CD276: variants seen among roughly 807,000 people sequenced by gnomAD.
The protein encoded by CD276 is CD276 antigen.
Under a neutral mutation model 50.0 loss-of-function variants are expected in CD276, and 34 were observed. That is an observed-to-expected ratio of 0.68 (90% confidence interval 0.52 to 0.91). The LOEUF (loss-of-function observed/expected upper bound fraction) is 0.91, where lower values mean the gene tolerates loss of function less well. Among genes scored for constraint, CD276 ranks in the 40% least tolerant of loss-of-function variants. The pLI, the probability that CD276 is intolerant of heterozygous loss-of-function variation, is 0.00. For synonymous variants in CD276, 275 were observed against 313.0 expected (o/e 0.88, Z 1.28); for missense variants, 634 against 717.5 (o/e 0.88, Z 1.33).
intron 9 of CD276, 36 bp downstream of exon 9, chr15:73,711,206 T>C (rs1196637144): frequency 5.6e-6 from 9 of 1,607,702 alleles, no homozygotes; most frequent in Non-Finnish European, 7.7e-6. Context: ...TGTCTGTGTA[T>C]GCACACATCT....
rs752174966 is a variant in CD276, at chr15:73,699,572, C to T, written c.-54-14C>T. 11 of 1,585,438 alleles carry T rather than the reference C, an allele frequency of 6.9e-6. 1 individual carries two copies. The African/African-American group carries it at 9.4e-5, about 14-fold the overall frequency. On this transcript the variant is annotated splice_polypyrimidine_tract_variant and intron_variant, in intron 1 of 9. Transcript: ENST00000318443. ...ACCTTTGGAGACAAAGGCCTTGCGT[C>T]CTCTTTCTCCCAGGCAGGGGCAGCC... is the stretch of plus-strand genomic sequence containing the variant.
In CD276 at chr15:73,702,815, C is replaced by T. The variant is rs780689193; in HGVS notation, c.462C>T (p.Asp154=). ...KPSMTLEPNK[D]LRPGDTVTIT... ...GCATGACCCTGGAGCCCAACAAGGA[C>T]CTGCGGCCAGGGGACACGGTGACCA... is the stretch of plus-strand genomic sequence containing the variant. The change falls in exon 4 of 10, where the codon GAC becomes GAT. Residue 154 remains aspartate (D), a synonymous_variant. Transcript: ENST00000318443. The T allele has an allele frequency of 1.2e-4, 191 of 1,613,916 alleles. No homozygotes were observed. Among genetic ancestry groups the T allele is most frequent in the Non-Finnish European group, 1.6e-4 (189 of 1,180,006 alleles).
At chr15:73,694,975 G>C (rs539542152) in intron 1 of CD276, among the ~76,000 whole-genome samples, 1 of 152,126 alleles carries the variant, frequency 6.6e-6, no homozygotes, top group African/African-American at 2.4e-5. Context: ...AACTATGATG[G>C]TACCACTCCA....
chr15:73,702,260 CT>C lies in CD276; in HGVS notation c.86del (p.Leu29ArgfsTer41), dbSNP rs1365553366. ...TCCACTCCCCCTACCCCCAGGAGCC[CT>C]GGAGGTCCAGGTCCCTGAAGACCCA... Reference protein sequence around the residue: ...GALWFCLTGALEVQVPEDPVV... With the variant: ...GALWFCLTGAXEVQVPEDPVV... On this transcript the variant is annotated frameshift_variant, in exon 3 of 10. Transcript: ENST00000318443. LOFTEE classifies it high-confidence loss of function. 6.2e-7 allele frequency: 1 copy of C among 1,607,790 alleles called. No individual in the cohort carries two copies. Among genetic ancestry groups the C allele is most frequent in the South Asian group, 1.1e-5 (1 of 90,426 alleles).
chr15:73,690,765 C>T (rs771883161), intron 1 of CD276: 4 of 455,578 alleles, frequency 8.8e-6, no homozygotes, highest in South Asian at 6.2e-5. Context: ...GTATTTGCAG[C>T]AACACTGTGA....
chr15:73,709,808 G>T, intron 8 of CD276, 119 bp downstream of exon 8: 1 of 1,015,956 alleles, frequency 9.8e-7, no homozygotes. Context: ...AATGTGTTCT[G>T]TGGACTCAGA....
At position 73,712,923 on chromosome 15, in the gene CD276, A is replaced by C. The variant is rs753567299; in HGVS notation, c.1583-11A>C. On this transcript the variant is annotated splice_polypyrimidine_tract_variant and intron_variant, in intron 9 of 9. Transcript: ENST00000318443. ...CCCTTCCCTTTTTTTTCTTCCCATC[A>C]TGAAATGAAGATGATGGACAAGAAA... 14 of 1,613,380 alleles carry C rather than the reference A, an allele frequency of 8.7e-6. No homozygotes were observed. The Admixed American group carries it at 2.0e-4, about 23-fold the overall frequency.
At chr15:73,705,887 G>T (rs560724449) in intron 6 of CD276, among the ~76,000 whole-genome samples, 1 of 152,182 alleles carries the variant, frequency 6.6e-6, no homozygotes, top group Non-Finnish European at 1.5e-5. Context: ...ATTGCAAAGA[G>T]AATGTTTATC....
chr15:73,702,508 C>T lies in CD276; in HGVS notation c.333C>T (p.Arg111=), dbSNP rs771767340. ...AQGNASLRLQ[R]VRVADEGSFT... ...GCAACGCATCCCTGAGGCTGCAGCG[C>T]GTGCGTGTGGCGGACGAGGGCAGCT... Residue 111 remains arginine, a synonymous_variant, in exon 3 of 10, where the codon CGC becomes CGT. Transcript: ENST00000318443. 16 of 1,613,178 alleles carry T rather than the reference C, an allele frequency of 9.9e-6. No homozygotes were observed. Among genetic ancestry groups the T allele is most frequent in the East Asian group, 4.5e-5 (2 of 44,876 alleles).
chr15:73,713,643 G>A lies in CD276; in HGVS notation c.*687G>A. 5.2e-6 allele frequency: 2 copies of A among 381,914 alleles called. No individual in the cohort carries two copies. Among genetic ancestry groups the A allele is most frequent in the Admixed American group, 3.8e-5 (1 of 26,092 alleles). 23.7% of individuals were successfully genotyped at this position (381,914 alleles called of 1,614,324 possible). A position where few individuals can be genotyped will look rare whatever the true frequency, so the allele number is the denominator to read the frequency against. On this transcript the variant is annotated 3_prime_UTR_variant, in exon 10 of 10. Coordinates refer to ENST00000318443, the MANE Select transcript of CD276 (RefSeq NM_001024736.2). The stretch of plus-strand genomic sequence containing the variant: ...CACAGCTGTGCATGGAGACCTGCAG[G>A]TGCACGTGCTGGAACACGTGTGGTT...
chr15:73,695,373 C>G (rs1900136753), intron 1 of CD276, among the ~76,000 whole-genome samples: 1 of 152,088 alleles, frequency 6.6e-6, no homozygotes, highest in Admixed American at 6.5e-5. Flanking sequence ...GTTACCTTTC[C>G]CAGCGCGGCT....
Position 73,713,200 on chromosome 15 carries a change from C to A in CD276, c.*244C>A. The A allele has an allele frequency of 2.0e-6, 1 of 493,668 alleles. No individual in the cohort carries two copies. The highest frequency in any genetic ancestry group is 3.6e-6 in the Non-Finnish European group (1 of 281,154). The allele number at this position is 493,668 out of a possible 1,614,324, so 30.6% of individuals were successfully genotyped here. On this transcript the variant is annotated 3_prime_UTR_variant, in exon 10 of 10. Coordinates refer to ENST00000318443, the MANE Select transcript of CD276 (RefSeq NM_001024736.2). The stretch of plus-strand genomic sequence containing the variant: ...ACAGACCACCCACAACCTTAGTTCT[C>A]TAAGTCATCCTGCCTGCTGCCTTAT...
rs749357618 is a variant in CD276 at position 73,702,263 on chromosome 15, G to C, written c.88G>C (p.Glu30Gln). ...ACTCCCCCTACCCCCAGGAGCCCTGGAGGTCCAGGTCCCTGAAGACCCAGT... is the reference window on the plus strand; with the variant it reads ...ACTCCCCCTACCCCCAGGAGCCCTGCAGGTCCAGGTCCCTGAAGACCCAGT... Reference protein sequence around the residue: ...ALWFCLTGALEVQVPEDPVVA... With the variant: ...ALWFCLTGALQVQVPEDPVVA... The change falls in exon 3 of 10, where the codon GAG becomes CAG. Residue 30 changes from glutamate to glutamine, a missense_variant. Coordinates refer to ENST00000318443, the MANE Select transcript of CD276 (RefSeq NM_001024736.2). 1 of 1,608,200 alleles carries C rather than the reference G, an allele frequency of 6.2e-7. No homozygotes were observed. Among genetic ancestry groups the C allele is most frequent in the African/African-American group, 1.3e-5 (1 of 74,778 alleles).
At chr15:73,694,825 T>C (rs1454107141) in intron 1 of CD276, among the ~76,000 whole-genome samples, 1 of 152,138 alleles carries the variant, frequency 6.6e-6, no homozygotes, top group Non-Finnish European at 1.5e-5. Flanking sequence ...GCCGTGTGCC[T>C]AACTAAAAAT....
chr15:73,710,100 T>C (rs1297030212), intron 8 of CD276, among the ~76,000 whole-genome samples: 1 of 152,220 alleles, frequency 6.6e-6, no homozygotes, highest in African/African-American at 2.4e-5. Flanking sequence ...TTTCCTCTTA[T>C]GTAAAATGAG....
chr15:73,690,114 A>G (rs1340349759), intron 1 of CD276, among the ~76,000 whole-genome samples: 1 of 152,238 alleles, frequency 6.6e-6, no homozygotes, highest in Non-Finnish European at 1.5e-5. Flanking sequence ...TTCCCCATAT[A>G]CAAACATCCA....
intron 1 of CD276, among the ~76,000 whole-genome samples, chr15:73,698,258 A>C (rs1224052761): frequency 6.6e-6 from 1 of 152,140 alleles, no homozygotes; most frequent in Non-Finnish European, 1.5e-5. Context: ...AAGCTAGCAA[A>C]TGTTCTCTCT....
chr15:73,700,908 C>CT lies in CD276; in HGVS notation c.79+1203dup, dbSNP rs1555418537. On this transcript the variant is annotated intron_variant, in intron 2 of 9. Coordinates refer to ENST00000318443, the MANE Select transcript of CD276 (RefSeq NM_001024736.2). ...CCCCTCCTCCCCTCCTCCTCCTCCT[C>CT]TTTTTTTTTTTTTGAGATGGGGTCT... is the stretch of plus-strand genomic sequence containing the variant. Among the ~76,000 whole-genome samples the CT allele has an allele frequency of 6.7e-4, 63 of 94,686 alleles. 4 individuals are homozygous for CT. The highest frequency in any genetic ancestry group is 1.7e-3 in the African/African-American group (26 of 15,116). 62.1% of individuals were successfully genotyped at this position (94,686 alleles called of 152,430 possible). A position where few individuals can be genotyped will look rare whatever the true frequency, so the allele number is the denominator to read the frequency against.
At chr15:73,705,243 A>C (rs1273064836) in intron 6 of CD276, among the ~76,000 whole-genome samples, 1 of 152,170 alleles carries the variant, frequency 6.6e-6, no homozygotes, top group Non-Finnish European at 1.5e-5. Flanking sequence ...GCCCTGGTGC[A>C]CAGTGAGGTC....
Sources: allele counts gnomAD v4.1 joint callset (sites outside exome capture counted in the v4.1 genomes callset), GRCh38; gene constraint gnomAD v4.1.1; transcripts MANE v1.5; gene names NCBI Gene and HGNC (gene_info 2026-07-23, HGNC 2026-07-21).